Variants in CCDC170 observed in about 807,000 individuals in gnomAD.
CCDC170 encodes coiled-coil domain-containing protein 170.
CCDC170 carries 69 observed loss-of-function variants against 72.6 expected under a neutral mutation model. That is an observed-to-expected ratio of 0.95 (90% CI 0.78 to 1.16). CCDC170 has a LOEUF of 1.16. Ranked by LOEUF, CCDC170 falls within the 50% of genes most tolerant of loss-of-function variation. The probability of loss-of-function intolerance (pLI) is 0.00; values close to 1 mark genes in which losing one functional copy is unlikely to be tolerated. For missense variants in CCDC170, 852 were observed against 832.5 expected, an observed-to-expected ratio of 1.02 and a Z score of -0.29; for synonymous variants, 300 against 303.9, an observed-to-expected ratio of 0.99 and a Z score of 0.13.
chr6:151,495,500 C>T (rs1180907453), intron 1 of CCDC170, among the ~76,000 whole-genome samples: 3 of 151,438 alleles, frequency 2.0e-5, no homozygotes, highest in Non-Finnish European at 2.9e-5. Context: ...CCTTTTCTTT[C>T]TTTCTTCTTT....
chr6:151,538,201 C>CT lies in CCDC170; in HGVS notation c.346dup (p.Ser116PhefsTer4). 6.2e-7 allele frequency: 1 copy of CT among 1,613,906 alleles called. No homozygotes were observed. Among genetic ancestry groups the CT allele is most frequent in the Non-Finnish European group, 8.5e-7 (1 of 1,179,862 alleles). Reference sequence around the variant, plus strand: ...GGAACTAGAAGAAGAATCAGCAGCACTTTCCACTTCTAAAATCAGAACAGA... The same window carrying CT: ...GGAACTAGAAGAAGAATCAGCAGCACTTTTCCACTTCTAAAATCAGAACAGA... On this transcript the variant is annotated frameshift_variant, in exon 3 of 11. Transcript: ENST00000239374. LOFTEE classifies it high-confidence loss of function.
Position 151,596,431 on chromosome 6 carries a change from A to G in CCDC170, c.1564A>G (p.Thr522Ala). The G allele has an allele frequency of 6.2e-7, 1 of 1,614,162 alleles. No individual in the cohort carries two copies. Among genetic ancestry groups the G allele is most frequent in the Non-Finnish European group, 8.5e-7 (1 of 1,180,022 alleles). The change falls in exon 9 of 11, where the codon ACG becomes GCG. Residue 522 changes from threonine to alanine, a missense_variant. Transcript: ENST00000239374. ...AQLEEEKQAR[T>A]ALVVERDNAH... ...GCTGGAGGAGGAGAAGCAGGCACGC[A>G]CGGCCTTGGTGGTTGAGAGGGACAA...
chr6:151,590,733 C>G (rs75173025), intron 7 of CCDC170, among the ~76,000 whole-genome samples: 1 of 152,132 alleles, frequency 6.6e-6, no homozygotes, highest in Admixed American at 6.5e-5. Flanking sequence ...TAGAAACTTT[C>G]TCTTTGGGGT....
chr6:151,505,101 C>A (rs1389015004), intron 1 of CCDC170, among the ~76,000 whole-genome samples: 1 of 152,134 alleles, frequency 6.6e-6, no homozygotes, highest in Admixed American at 6.5e-5. Context: ...GCCCGCGGAG[C>A]TGCCCGCTGG....
At chr6:151,562,411 G>T (rs1305879733) in intron 5 of CCDC170, among the ~76,000 whole-genome samples, 2 of 151,962 alleles carry the variant, frequency 1.3e-5, no homozygotes, top group Non-Finnish European at 2.9e-5. Context: ...TCTCTTAGGG[G>T]TATGGCTGTG....
chr6:151,615,345 G>T (rs1776945737), intron 9 of CCDC170, 98 bp from the exon 10 acceptor site: 2 of 830,138 alleles, frequency 2.4e-6, no homozygotes, highest in Admixed American at 4.2e-5. Context: ...TCATAAAAAG[G>T]GTATGAAGTG....
chr6:151,595,556 C>T (rs1776608669), intron 8 of CCDC170, among the ~76,000 whole-genome samples: 1 of 152,096 alleles, frequency 6.6e-6, no homozygotes, highest in Non-Finnish European at 1.5e-5. Context: ...TGGCTTACAC[C>T]TGTAATCCCA....
At position 151,620,813 on chromosome 6, in the gene CCDC170, TC is replaced by T. The variant is rs1193935672; in HGVS notation, c.*2667del. The T allele has an allele frequency of 3.4e-4, 51 of 151,232 alleles. No homozygotes were observed. Among genetic ancestry groups the T allele is most frequent in the Non-Finnish European group, 2.8e-4 (19 of 67,870 alleles). 9.4% of individuals were successfully genotyped at this position (151,232 alleles called of 1,614,324 possible). ...ATTTTAAAAACATGAAATTTTTTTT[TC>T]ATTTTTGATTTGATATCATTAATTT... On this transcript the variant is annotated 3_prime_UTR_variant, in exon 11 of 11. Transcript: ENST00000239374.
At chr6:151,550,917 TG>T (rs931056476) in intron 5 of CCDC170, among the ~76,000 whole-genome samples, 1 of 152,184 alleles carries the variant, frequency 6.6e-6, no homozygotes, top group Admixed American at 6.5e-5. Context: ...ACCATCACAT[TG>T]GGGGTTAGGA....
intron 9 of CCDC170, among the ~76,000 whole-genome samples, chr6:151,597,046 G>A (rs59698570): frequency 0.024 from 3,625 of 152,216 alleles, 146 homozygotes; most frequent in African/African-American, 0.082. Context: ...GGTTGGTCTC[G>A]AACTCCTGAT....
chr6:151,584,670 G>A (rs1247727539), intron 6 of CCDC170, among the ~76,000 whole-genome samples: 1 of 152,134 alleles, frequency 6.6e-6, no homozygotes, highest in East Asian at 1.9e-4. Flanking sequence ...TATAATTATA[G>A]GAACTGGGGA....
chr6:151,514,589 A>C (rs933448666), intron 1 of CCDC170, among the ~76,000 whole-genome samples: 1 of 152,118 alleles, frequency 6.6e-6, no homozygotes, highest in Non-Finnish European at 1.5e-5. Context: ...ATGTGACTGG[A>C]GGTCAGGCTA....
At chr6:151,542,873 G>C (rs1782712379) in intron 3 of CCDC170, among the ~76,000 whole-genome samples, 1 of 152,144 alleles carries the variant, frequency 6.6e-6, no homozygotes, top group Non-Finnish European at 1.5e-5. Context: ...GGGTCCAAAA[G>C]ACTGAAGAGT....
At chr6:151,574,349 A>G (rs1776271656) in intron 6 of CCDC170, among the ~76,000 whole-genome samples, 4 of 152,218 alleles carry the variant, frequency 2.6e-5, no homozygotes, top group Admixed American at 2.6e-4. Context: ...TCTCTGCTGT[A>G]CATTCACTCA....
intron 7 of CCDC170, among the ~76,000 whole-genome samples, chr6:151,591,007 G>A (rs1776526491): frequency 1.3e-5 from 2 of 152,150 alleles, no homozygotes; most frequent in East Asian, 1.9e-4. Flanking sequence ...TGGTATTGTA[G>A]CACAATGCAA....
intron 1 of CCDC170, among the ~76,000 whole-genome samples, chr6:151,502,508 G>A (rs1782006311): frequency 6.6e-6 from 1 of 152,072 alleles, no homozygotes; most frequent in Admixed American, 6.5e-5. Flanking sequence ...GGCCATCATA[G>A]TCTAACCTCA....
intron 5 of CCDC170, among the ~76,000 whole-genome samples, chr6:151,569,597 C>A (rs960553253): frequency 6.6e-6 from 1 of 152,232 alleles, no homozygotes. Flanking sequence ...GGTCTGACAG[C>A]AATCCCCAGG....
intron 7 of CCDC170, among the ~76,000 whole-genome samples, chr6:151,586,426 T>C (rs1024343464): frequency 6.6e-6 from 1 of 152,222 alleles, no homozygotes; most frequent in Non-Finnish European, 1.5e-5. Flanking sequence ...ACACATGTTA[T>C]ATGTATTGAA....
intron 1 of CCDC170, among the ~76,000 whole-genome samples, chr6:151,502,344 T>C (rs1332135788): frequency 1.3e-5 from 2 of 152,232 alleles, no homozygotes; most frequent in African/African-American, 4.8e-5. Context: ...ATTAGTGCCA[T>C]AGGGAGTGGG....
Sources: gnomAD v4.1 joint callset for allele counts (sites outside exome capture counted in the v4.1 genomes callset) on GRCh38, gnomAD v4.1.1 for gene constraint, MANE v1.5 for transcripts, NCBI Gene and HGNC (gene_info 2026-07-23, HGNC 2026-07-21) for gene names.